SLC27A6: variants seen among roughly 807,000 people sequenced by gnomAD.
SLC27A6 encodes the protein solute carrier family 27 member 6, also known as long-chain fatty acid transport protein 6.
Under a neutral mutation model 63.9 loss-of-function variants are expected in SLC27A6, and 74 were observed. The observed-to-expected ratio is 1.16, with a 90% CI of 0.96 to 1.40. The LOEUF (loss-of-function observed/expected upper bound fraction) is 1.40. Ranked by LOEUF, SLC27A6 falls within the 40% of genes most tolerant of loss-of-function variation. The pLI, the probability that SLC27A6 is intolerant of heterozygous loss-of-function variation, is 0.00. For missense variants in SLC27A6, 794 were observed against 732.9 expected, an observed-to-expected ratio of 1.08 and a Z score of -0.96; for synonymous variants, 287 against 260.8, an observed-to-expected ratio of 1.10 and a Z score of -0.97.
intron 1 of SLC27A6, among the ~76,000 whole-genome samples, chr5:128,972,738 G>A (rs11749757): frequency 0.24 from 36,675 of 152,050 alleles, 4,979 homozygotes; most frequent in Middle Eastern, 0.33. Flanking sequence ...GGAGAAGTTT[G>A]TTATTACCGG....
rs932205888 is a variant in SLC27A6 at position 128,983,558 on chromosome 5, G to A, written c.482-1575G>A. Among the ~76,000 whole-genome samples the A allele has an allele frequency of 2.0e-5, 3 of 152,060 alleles. No individual in the cohort carries two copies. In the East Asian group the frequency reaches 5.8e-4, roughly 29 times the overall value. Reference sequence around the variant, plus strand: ...GATCCACCTGCTTCGGCCTCCCAAAGTGCTGGAATTACAGGCATGAGCCAC... The same window carrying A: ...GATCCACCTGCTTCGGCCTCCCAAAATGCTGGAATTACAGGCATGAGCCAC... On this transcript the variant is annotated intron_variant, in intron 1 of 9. Coordinates refer to ENST00000262462, the MANE Select transcript of SLC27A6 (RefSeq NM_001017372.3).
intron 4 of SLC27A6, among the ~76,000 whole-genome samples, chr5:129,011,342 AT>A (rs1424553614): frequency 6.6e-6 from 1 of 152,158 alleles, no homozygotes; most frequent in Non-Finnish European, 1.5e-5. Context: ...AGAAATCATA[AT>A]GTTTGTAAAT....
chr5:129,016,395 CA>C lies in SLC27A6; in HGVS notation c.1164+339del, dbSNP rs759333355. 3.1e-3 allele frequency among the ~76,000 whole-genome samples: 203 copies of C among 64,672 alleles called. 2 individuals carry two copies. The highest frequency in any genetic ancestry group is 9.3e-3 in the Middle Eastern group (1 of 108). 42.4% of individuals were successfully genotyped at this position (64,672 alleles called of 152,430 possible). A position where few individuals can be genotyped will look rare whatever the true frequency, so the allele number is the denominator to read the frequency against. ...TGGGCGACAGAGCGAGACTCTGTCT[CA>C]AAAAAAAAAAAAAAAAAAAAAAGGA... On this transcript the variant is annotated intron_variant, in intron 5 of 9. Coordinates refer to ENST00000262462, the MANE Select transcript of SLC27A6 (RefSeq NM_001017372.3).
intron 4 of SLC27A6, among the ~76,000 whole-genome samples, chr5:129,000,598 T>C (rs1297650945): frequency 6.6e-6 from 1 of 151,942 alleles, no homozygotes; most frequent in African/African-American, 2.4e-5. Flanking sequence ...AGGCAGGGAG[T>C]TGGGACTCTG....
chr5:128,969,439 G>C (rs1375809975), intron 1 of SLC27A6, among the ~76,000 whole-genome samples: 9 of 151,898 alleles, frequency 5.9e-5, no homozygotes, highest in Non-Finnish European at 8.8e-5. Flanking sequence ...TTTTTATTTC[G>C]TTGAGCAGTG....
At chr5:128,988,245 A>G (rs1033769464) in intron 2 of SLC27A6, among the ~76,000 whole-genome samples, 3 of 152,226 alleles carry the variant, frequency 2.0e-5, no homozygotes, top group African/African-American at 7.2e-5. Context: ...AAGGACTGAC[A>G]AAAACTTACC....
At chr5:128,991,083 C>T (rs1467657163) in intron 4 of SLC27A6, among the ~76,000 whole-genome samples, 1 of 152,228 alleles carries the variant, frequency 6.6e-6, no homozygotes, top group East Asian at 1.9e-4. Flanking sequence ...AAGCAGGTTG[C>T]CACTGCCGGC....
Position 129,023,739 on chromosome 5 carries a change from C to T in SLC27A6, c.1255+29C>T, listed in dbSNP as rs187520166. 1,635 of 1,505,466 alleles carry T rather than the reference C, an allele frequency of 1.1e-3. 10 individuals are homozygous for T. The Middle Eastern group carries it at 0.016, about 15-fold the overall frequency. 93.3% of individuals were successfully genotyped at this position (1,505,466 alleles called of 1,614,324 possible). On this transcript the variant is annotated intron_variant, in intron 6 of 9. Transcript: ENST00000262462. ...AGACTTCTATTTGAAGACATCTCCTCAAGCAAAGTTTCTGATCTCCTGTAT... is the reference window on the plus strand; with the variant it reads ...AGACTTCTATTTGAAGACATCTCCTTAAGCAAAGTTTCTGATCTCCTGTAT...
At chr5:128,994,781 G>C (rs953864605) in intron 4 of SLC27A6, among the ~76,000 whole-genome samples, 3 of 152,212 alleles carry the variant, frequency 2.0e-5, no homozygotes, top group Non-Finnish European at 4.4e-5. Flanking sequence ...AATGTGAGTT[G>C]AATGTTTATG....
At position 128,966,508 on chromosome 5, in the gene SLC27A6, G is replaced by A; in HGVS notation, c.371G>A (p.Gly124Asp). The A allele has an allele frequency of 6.2e-7, 1 of 1,606,680 alleles. No individual in the cohort carries two copies. Among genetic ancestry groups the A allele is most frequent in the Non-Finnish European group, 8.5e-7 (1 of 1,177,098 alleles). ...NEPDFVHVWFGLAKLGCVVAF... is the reference protein window; with the variant it reads ...NEPDFVHVWFDLAKLGCVVAF... The stretch of plus-strand genomic sequence containing the variant: ...CCGGACTTCGTTCACGTGTGGTTCG[G>A]CCTCGCCAAGCTGGGCTGCGTGGTG... The change falls in exon 1 of 10, where the codon GGC becomes GAC. Residue 124 changes from glycine to aspartate, a missense_variant. Physicochemically the swap from Gly to Asp is moderately conservative, Grantham distance 94 (BLOSUM62 -1). Transcript: ENST00000262462.
intron 4 of SLC27A6, among the ~76,000 whole-genome samples, chr5:128,998,258 C>T (rs1751224907): frequency 6.6e-6 from 1 of 151,856 alleles, no homozygotes; most frequent in African/African-American, 2.4e-5. Flanking sequence ...CACCACTGCC[C>T]TCCAACAGCT....
At chr5:128,993,358 C>T (rs1399671179) in intron 4 of SLC27A6, among the ~76,000 whole-genome samples, 4 of 152,178 alleles carry the variant, frequency 2.6e-5, no homozygotes, top group African/African-American at 9.7e-5. Flanking sequence ...ATTTCCTGAG[C>T]TCCTCAATAA....
At chr5:128,970,499 G>T (rs1459816187) in intron 1 of SLC27A6, among the ~76,000 whole-genome samples, 1 of 152,144 alleles carries the variant, frequency 6.6e-6, no homozygotes, top group African/African-American at 2.4e-5. Flanking sequence ...CGGTGTATGT[G>T]TCCAGGAATT....
At chr5:128,974,519 G>A (rs1019942523) in intron 1 of SLC27A6, among the ~76,000 whole-genome samples, 2 of 152,212 alleles carry the variant, frequency 1.3e-5, no homozygotes, top group African/African-American at 4.8e-5. Context: ...TTAAAATACT[G>A]TGTTGTTGGC....
At position 129,033,126 on chromosome 5, in the gene SLC27A6, A is replaced by C. The variant is rs769592782; in HGVS notation, c.1704A>C (p.Gly568=). 4 of 1,607,334 alleles carry C rather than the reference A, an allele frequency of 2.5e-6. No homozygotes were observed. Among genetic ancestry groups the C allele is most frequent in the South Asian group, 2.2e-5 (2 of 89,958 alleles). ...LRIQEKMEAT[G]TFKLLKHQLV... is the part of the protein sequence containing the mutation. ...TACAGGAAAAAATGGAAGCAACAGG[A>C]ACATTCAAACTATTGAAGCATCAGT... The change falls in exon 10 of 10, where the codon GGA becomes GGC. Residue 568 remains glycine, a synonymous_variant. Transcript: ENST00000262462.
At position 128,968,421 on chromosome 5, in the gene SLC27A6, C is replaced by G. The variant is rs553628006; in HGVS notation, c.481+1803C>G. Among the ~76,000 whole-genome samples, 3 of 152,188 alleles carry G rather than the reference C, an allele frequency of 2.0e-5. No homozygotes were observed. In the East Asian group the frequency reaches 5.8e-4, roughly 29 times the overall value. ...TATTTCTCCACATCCTCTCCCGCAC[C>G]TATTGTTTCCTGACTTTTTAATGAT... On this transcript the variant is annotated intron_variant, in intron 1 of 9. Coordinates refer to ENST00000262462, the MANE Select transcript of SLC27A6 (RefSeq NM_001017372.3).
intron 4 of SLC27A6, among the ~76,000 whole-genome samples, chr5:128,993,062 A>G (rs549819628): frequency 6.6e-6 from 1 of 152,370 alleles, no homozygotes; most frequent in East Asian, 1.9e-4. Context: ...GTGAATGTAA[A>G]TAGCCAAAGT....
chr5:129,029,908 G>A (rs535918789), intron 9 of SLC27A6, among the ~76,000 whole-genome samples: 1 of 151,974 alleles, frequency 6.6e-6, no homozygotes, highest in Non-Finnish European at 1.5e-5. Context: ...ACCTGTCTTT[G>A]TCCTAATTAT....
At chr5:129,013,607 T>C (rs893820583) in intron 4 of SLC27A6, among the ~76,000 whole-genome samples, 1 of 152,198 alleles carries the variant, frequency 6.6e-6, no homozygotes, top group African/African-American at 2.4e-5. Flanking sequence ...TATTTTTTCT[T>C]CTTAGCAATT....
Sources: gnomAD v4.1 joint callset for allele counts (sites outside exome capture counted in the v4.1 genomes callset) on GRCh38, gnomAD v4.1.1 for gene constraint, MANE v1.5 for transcripts, NCBI Gene and HGNC (gene_info 2026-07-23, HGNC 2026-07-21) for gene names.